Variants in ACTA2 observed in about 807,000 individuals in gnomAD.
The protein encoded by ACTA2 is actin alpha 2, smooth muscle.
Under a neutral mutation model 39.5 loss-of-function variants are expected in ACTA2, and 12 were observed. The observed-to-expected ratio is 0.30, with a 90% CI of 0.19 to 0.49. The LOEUF (loss-of-function observed/expected upper bound fraction) is 0.49. ACTA2 is among the 20% of genes least tolerant of loss of function. The pLI is 0.99. For missense variants in ACTA2, 236 were observed against 498.8 expected (o/e 0.47, Z 5.02); for synonymous variants, 158 against 180.6 (o/e 0.88, Z 1.00).
Position 88,990,537 on chromosome 10 carries a change from C to G in ACTA2, c.-24+402G>C. 1 of 619,594 alleles carries G rather than the reference C, an allele frequency of 1.6e-6. No individual in the cohort carries two copies. The highest frequency in any genetic ancestry group is 3.0e-6 in the Non-Finnish European group (1 of 332,566). The allele number at this position is 619,594 out of a possible 1,614,324, so 38.4% of individuals were successfully genotyped here. A position where few individuals can be genotyped will look rare whatever the true frequency, so the allele number is the denominator to read the frequency against. On this transcript the variant is annotated intron_variant, in intron 1 of 4. Transcript: ENST00000415557. This position sits in a 1 kb window ranked among gnomAD's most constrained non-coding sequence, Gnocchi z 4.9. ...ACCCTGACTTCTCCCCCTCCCTACCCGCGCGCAGGCCAAGTTGCTGAATCA... is the reference window on the plus strand; with the variant it reads ...ACCCTGACTTCTCCCCCTCCCTACCGGCGCGCAGGCCAAGTTGCTGAATCA...
At chr10:88,970,873 AAGT>A (rs1451261665) in intron 1 of ACTA2, among the ~76,000 whole-genome samples, 2 of 142,076 alleles carry the variant, frequency 1.4e-5, no homozygotes, top group Non-Finnish European at 3.1e-5. Context: ...TATAATAAAA[AAGT>A]GTGTGTGTGT....
intron 1 of ACTA2, chr10:88,974,540 C>A (rs1017312781): frequency 6.6e-6 from 1 of 152,056 alleles, no homozygotes; most frequent in Non-Finnish European, 1.5e-5. Flanking sequence ...TTAATAGTAA[C>A]AAGGTCTCAC....
At chr10:88,979,287 C>T (rs991302715) in intron 1 of ACTA2, among the ~76,000 whole-genome samples, 2 of 151,840 alleles carry the variant, frequency 1.3e-5, no homozygotes, top group South Asian at 2.1e-4. Context: ...ATGAGGTCAG[C>T]GAGTTTCCCG....
At chr10:88,973,352 T>TCCA (rs748882409) in intron 1 of ACTA2, 16 of 1,491,280 alleles carry the variant, frequency 1.1e-5, no homozygotes, top group Non-Finnish European at 1.4e-5. Flanking sequence ...GATTAGGTAA[T>TCCA]CCAAGAATTG....
upstream of ACTA2, among the ~76,000 whole-genome samples, chr10:88,954,550 G>C (rs1846103054): frequency 6.6e-6 from 1 of 152,178 alleles, no homozygotes; most frequent in Non-Finnish European, 1.5e-5. Context: ...GACTCACGCA[G>C]TGTCTGTGTA....
chr10:88,941,925 G>A, intron 4 of ACTA2, 56 bp from the exon 5 acceptor site: 1 of 1,504,172 alleles, frequency 6.6e-7, no homozygotes, highest in Non-Finnish European at 9.1e-7. Context: ...ACAAAGAATG[G>A]TCAGGAGAGC....
intron 1 of ACTA2, among the ~76,000 whole-genome samples, chr10:88,962,887 A>C (rs1846249497): frequency 8.0e-6 from 1 of 125,032 alleles, no homozygotes; most frequent in Non-Finnish European, 1.7e-5. Context: ...GCAGCAGGCA[A>C]GAGAGTGAGT....
chr10:88,937,223 A>G (rs182147051), intron 8 of ACTA2, among the ~76,000 whole-genome samples: 1 of 152,276 alleles, frequency 6.6e-6, no homozygotes, highest in East Asian at 1.9e-4. Context: ...CACACTCTCT[A>G]GTGTTAGCTG....
intron 1 of ACTA2, among the ~76,000 whole-genome samples, chr10:88,971,814 T>A (rs1034796724): frequency 6.6e-6 from 1 of 152,192 alleles, no homozygotes; most frequent in Non-Finnish European, 1.5e-5. Context: ...CAGAGGGTGA[T>A]GCTCTGATGG....
intron 1 of ACTA2, among the ~76,000 whole-genome samples, chr10:88,968,175 C>T (rs866656587): frequency 6.6e-6 from 1 of 152,054 alleles, no homozygotes; most frequent in African/African-American, 2.4e-5. Flanking sequence ...GTATTTAAAT[C>T]GCTAAAAACT....
chr10:88,956,268 T>G (rs1453283182), upstream of ACTA2, among the ~76,000 whole-genome samples: 1 of 152,240 alleles, frequency 6.6e-6, no homozygotes, highest in East Asian at 1.9e-4. Context: ...TTCAATGGGC[T>G]AAAATCAAGG....
intron 3 of ACTA2, 148 bp downstream of exon 3, chr10:88,947,110 G>C (rs1425128709): frequency 8.6e-7 from 1 of 1,167,334 alleles, no homozygotes; most frequent in Non-Finnish European, 1.2e-6. Flanking sequence ...TTTTTCAATG[G>C]GTAATAACCC....
At chr10:88,949,407 ATT>A (rs1182203055) in intron 1 of ACTA2, among the ~76,000 whole-genome samples, 1 of 152,094 alleles carries the variant, frequency 6.6e-6, no homozygotes, top group East Asian at 1.9e-4. Flanking sequence ...CCTTTTTGAA[ATT>A]TTTTCAAAAA....
chr10:88,941,430 G>A (rs780995228), intron 5 of ACTA2, 40 bp from the exon 6 acceptor site: 10 of 1,613,186 alleles, frequency 6.2e-6, no homozygotes, highest in Middle Eastern at 1.6e-4. Flanking sequence ...CATGGCAGCT[G>A]GCATGTGGTT....
intron 1 of ACTA2, among the ~76,000 whole-genome samples, chr10:88,978,692 C>A (rs80214796): frequency 0.023 from 3,533 of 152,256 alleles, 65 homozygotes; most frequent in Middle Eastern, 0.082. Flanking sequence ...GCTCACCCTA[C>A]TTCAGGGAAC....
At position 88,935,382 on chromosome 10, in the gene ACTA2, A is replaced by C. The variant is rs1456251606; in HGVS notation, c.991-16T>G. ...GGGCAATGATCTGTCAGTCAAGATG[A>C]AAAAGAATGGTCATTAATGTCATCA... On this transcript the variant is annotated splice_polypyrimidine_tract_variant and intron_variant, in intron 8 of 8. Transcript: ENST00000224784. 6.2e-7 allele frequency: 1 copy of C among 1,613,258 alleles called. No homozygotes were observed. Among genetic ancestry groups the C allele is most frequent in the Non-Finnish European group, 8.5e-7 (1 of 1,179,516 alleles).
intron 1 of ACTA2, among the ~76,000 whole-genome samples, chr10:88,964,319 T>C (rs932089367): frequency 4.6e-5 from 7 of 152,148 alleles, no homozygotes; most frequent in African/African-American, 1.4e-4. Flanking sequence ...AATGAGCAAT[T>C]CTCAAAGAAG....
chr10:88,961,571 C>T (rs1161883759), intron 1 of ACTA2, among the ~76,000 whole-genome samples: 1 of 152,150 alleles, frequency 6.6e-6, no homozygotes, highest in Non-Finnish European at 1.5e-5. Flanking sequence ...CAGAGGAAGA[C>T]ATAACTTAGG....
At chr10:88,962,440 TA>T (rs1323773109) in intron 1 of ACTA2, among the ~76,000 whole-genome samples, 1 of 152,032 alleles carries the variant, frequency 6.6e-6, no homozygotes, top group African/African-American at 2.4e-5. Context: ...ATTAGTGGTT[TA>T]AAAAAAGAGG....
Sources: gnomAD v4.1 joint callset for allele counts (sites outside exome capture counted in the v4.1 genomes callset) on GRCh38, gnomAD v4.1.1 for gene constraint, Gnocchi (gnomAD v3.1) non-coding constraint, MANE v1.5 for transcripts, NCBI Gene and HGNC (gene_info 2026-07-23, HGNC 2026-07-21) for gene names.